PDE5A: variants seen among roughly 807,000 people sequenced by gnomAD.
PDE5A encodes the protein cGMP-specific 3',5'-cyclic phosphodiesterase.
PDE5A carries 67 observed loss-of-function variants against 110.2 expected under a neutral mutation model. The observed-to-expected ratio is 0.61, with a 90% CI of 0.50 to 0.75. The LOEUF (loss-of-function observed/expected upper bound fraction) is 0.75, where lower values mean the gene tolerates loss of function less well. Ranked by LOEUF, PDE5A falls within the 30% of genes least tolerant of loss-of-function variation. The pLI, the probability that PDE5A is intolerant of heterozygous loss-of-function variation, is 0.00. For missense variants in PDE5A, 862 were observed against 1,045.1 expected (o/e 0.82, Z 2.42); for synonymous variants, 328 against 351.2 (o/e 0.93, Z 0.74).
At chr4:119,529,106 G>T (rs1296799883) in intron 11 of PDE5A, among the ~76,000 whole-genome samples, 2 of 151,230 alleles carry the variant, frequency 1.3e-5, no homozygotes, top group Non-Finnish European at 1.5e-5. Flanking sequence ...TGACTTTTCT[G>T]AAATTGTCAT....
At chr4:119,506,715 T>C (rs1725565812) in intron 16 of PDE5A, among the ~76,000 whole-genome samples, 1 of 151,924 alleles carries the variant, frequency 6.6e-6, no homozygotes, top group Admixed American at 6.6e-5. Flanking sequence ...GCAATTATTT[T>C]TAATAAACTG....
At chr4:119,575,401 A>G (rs1272565944) in intron 3 of PDE5A, among the ~76,000 whole-genome samples, 3 of 152,220 alleles carry the variant, frequency 2.0e-5, no homozygotes, top group Admixed American at 6.5e-5. Flanking sequence ...CACCGAAGTT[A>G]AAATGAAGGA....
At chr4:119,580,831 C>T (rs1728562522) in intron 3 of PDE5A, among the ~76,000 whole-genome samples, 2 of 152,228 alleles carry the variant, frequency 1.3e-5, no homozygotes, top group Non-Finnish European at 2.9e-5. Context: ...TGTATATCAA[C>T]ATAGGTTATA....
intron 4 of PDE5A, among the ~76,000 whole-genome samples, chr4:119,566,099 G>A (rs902437630): frequency 6.6e-6 from 1 of 151,752 alleles, no homozygotes; most frequent in Non-Finnish European, 1.5e-5. Context: ...ATGGATTATA[G>A]ACATAATAAT....
chr4:119,510,484 C>A (rs1725699592), intron 15 of PDE5A, among the ~76,000 whole-genome samples: 2 of 152,022 alleles, frequency 1.3e-5, no homozygotes, highest in South Asian at 4.1e-4. Context: ...CAAAGATTAA[C>A]AATTTCATTA....
chr4:119,523,428 G>C (rs1050381180), intron 12 of PDE5A, among the ~76,000 whole-genome samples: 1 of 152,012 alleles, frequency 6.6e-6, no homozygotes, highest in African/African-American at 2.4e-5. Flanking sequence ...ATCCTCTCTA[G>C]CATTAACATT....
At position 119,507,717 on chromosome 4, in the gene PDE5A, A is replaced by AT; in HGVS notation, c.2089-14_2089-13insA. ...GAATCTGATTGCCCTTTATAAAAAA[A>AT]GAAAACCAGTATTAACATCCTGGAG... On this transcript the variant is annotated splice_polypyrimidine_tract_variant and intron_variant, in intron 15 of 20. Transcript: ENST00000354960. The AT allele has an allele frequency of 6.5e-7, 1 of 1,536,536 alleles. No individual in the cohort carries two copies. The highest frequency in any genetic ancestry group is 8.8e-7 in the Non-Finnish European group (1 of 1,130,000).
chr4:119,619,391 G>A (rs1440493121), intron 1 of PDE5A, among the ~76,000 whole-genome samples: 1 of 152,098 alleles, frequency 6.6e-6, no homozygotes, highest in African/African-American at 2.4e-5. Context: ...TCTCCGCCTT[G>A]AGTCTTCACC....
At chr4:119,502,405 T>C (rs1009819812) in intron 19 of PDE5A, 176 bp downstream of exon 19, 2 of 479,380 alleles carry the variant, frequency 4.2e-6, no homozygotes, top group African/African-American at 3.9e-5. Flanking sequence ...TTATGCCTTT[T>C]ATTGGTTTTG....
intron 9 of PDE5A, among the ~76,000 whole-genome samples, chr4:119,546,031 TTCC>T (rs1355549582): frequency 6.6e-6 from 1 of 152,166 alleles, no homozygotes; most frequent in Non-Finnish European, 1.5e-5. Context: ...TAAAAGAGGC[TTCC>T]TCATTTTAAT....
intron 2 of PDE5A, among the ~76,000 whole-genome samples, chr4:119,598,024 T>C (rs1234630390): frequency 6.6e-6 from 1 of 152,116 alleles, no homozygotes; most frequent in Non-Finnish European, 1.5e-5. Flanking sequence ...TCTTTAGATA[T>C]TGTCTAAAGA....
intron 1 of PDE5A, among the ~76,000 whole-genome samples, chr4:119,608,066 T>A (rs1658815368): frequency 6.6e-6 from 1 of 152,184 alleles, no homozygotes; most frequent in South Asian, 2.1e-4. Flanking sequence ...GTTATATCTA[T>A]ATTGCAAAAG....
intron 9 of PDE5A, among the ~76,000 whole-genome samples, chr4:119,550,726 C>T (rs1175855901): frequency 6.6e-6 from 1 of 152,120 alleles, no homozygotes. Flanking sequence ...ATAATGCATT[C>T]CTTCTGGAAT....
rs1038126980 is a variant in PDE5A at position 119,627,781 on chromosome 4, T to C, written c.152+739A>G. 1 of 153,592 alleles carries C rather than the reference T, an allele frequency of 6.5e-6. No homozygotes were observed. The highest frequency in any genetic ancestry group is 1.4e-5 in the Non-Finnish European group (1 of 69,254). The allele number at this position is 153,592 out of a possible 1,614,324, so 9.5% of individuals were successfully genotyped here. ...CCTCCGCAAGGGCCGCCCCGGCGCT[T>C]GGCTCTGGACCAGAAAGAGCTGGCC... On this transcript the variant is annotated intron_variant, in intron 1 of 20. Coordinates refer to ENST00000354960, the MANE Select transcript of PDE5A (RefSeq NM_001083.4). The surrounding 1 kb of genome is among the most constrained non-coding windows in gnomAD (Gnocchi z 4.6).
At chr4:119,560,819 A>T (rs1219487225) in intron 6 of PDE5A, among the ~76,000 whole-genome samples, 4 of 152,228 alleles carry the variant, frequency 2.6e-5, no homozygotes, top group Non-Finnish European at 5.9e-5. Context: ...CAACATAGAG[A>T]AATACTTTTG....
At chr4:119,536,425 C>T (rs1726725647) in intron 11 of PDE5A, among the ~76,000 whole-genome samples, 1 of 152,000 alleles carries the variant, frequency 6.6e-6, no homozygotes, top group Non-Finnish European at 1.5e-5. Context: ...ACATATTGCT[C>T]GAAAACTACA....
chr4:119,612,457 T>C (rs1328936187), intron 1 of PDE5A, among the ~76,000 whole-genome samples: 1 of 152,194 alleles, frequency 6.6e-6, no homozygotes, highest in African/African-American at 2.4e-5. Flanking sequence ...GATATGCAGG[T>C]TTCCACTTCA....
chr4:119,587,978 G>C (rs1560629112), intron 3 of PDE5A, among the ~76,000 whole-genome samples: 1 of 152,204 alleles, frequency 6.6e-6, no homozygotes, highest in Middle Eastern at 3.4e-3. Flanking sequence ...GCATTTATGT[G>C]GTTCCTCTCT....
At chr4:119,565,835 T>C (rs934093575) in intron 4 of PDE5A, among the ~76,000 whole-genome samples, 1 of 151,740 alleles carries the variant, frequency 6.6e-6, no homozygotes, top group Non-Finnish European at 1.5e-5. Context: ...AGTTAAATAT[T>C]ATATAAAGTT....
Sources: gnomAD v4.1 joint callset for allele counts (sites outside exome capture counted in the v4.1 genomes callset) on GRCh38, gnomAD v4.1.1 for gene constraint, Gnocchi (gnomAD v3.1) non-coding constraint, MANE v1.5 for transcripts, NCBI Gene and HGNC (gene_info 2026-07-23, HGNC 2026-07-21) for gene names.